Variants in TUBGCP6 observed in about 807,000 individuals in gnomAD.
TUBGCP6 encodes tubulin gamma complex component 6.
TUBGCP6 carries 161 observed loss-of-function variants against 175.8 expected under a neutral mutation model. That is an observed-to-expected ratio of 0.92 (90% CI 0.81 to 1.04). The LOEUF (loss-of-function observed/expected upper bound fraction) is 1.04. TUBGCP6 is among the 50% of genes least tolerant of loss of function. The pLI is 0.00. For synonymous variants in TUBGCP6, 1,173 were observed against 1,030.5 expected, an observed-to-expected ratio of 1.14 and a Z score of -2.65; for missense variants, 2,572 against 2,433.0, an observed-to-expected ratio of 1.06 and a Z score of -1.20.
chr22:50,241,097 T>A (rs1232855209), intron 1 of TUBGCP6, among the ~76,000 whole-genome samples: 1 of 152,258 alleles, frequency 6.6e-6, no homozygotes, highest in Non-Finnish European at 1.5e-5. Flanking sequence ...TATGATTATA[T>A]ATGAACGTTA....
chr22:50,222,320 G>T, intron 14 of TUBGCP6, 134 bp downstream of exon 14: 3 of 1,382,384 alleles, frequency 2.2e-6, no homozygotes, highest in Admixed American at 3.8e-5. Context: ...CACGGGGAGA[G>T]AGAGTGCTCT....
chr22:50,240,131 C>G, intron 2 of TUBGCP6, 73 bp downstream of exon 2: 3 of 1,593,834 alleles, frequency 1.9e-6, no homozygotes, highest in Non-Finnish European at 2.6e-6. Context: ...CAACGCCCCC[C>G]ACACACCCCA....
At chr22:50,229,901 C>T (rs2064667163) in intron 3 of TUBGCP6, among the ~76,000 whole-genome samples, 1 of 152,130 alleles carries the variant, frequency 6.6e-6, no homozygotes, top group Non-Finnish European at 1.5e-5. Flanking sequence ...GCCGTGAGAC[C>T]CGCTCATTTG....
intron 1 of TUBGCP6, among the ~76,000 whole-genome samples, chr22:50,241,019 C>T (rs953603902): frequency 6.6e-6 from 1 of 152,070 alleles, no homozygotes; most frequent in South Asian, 2.1e-4. Flanking sequence ...GGCAAGAGAC[C>T]GAGGGCACGA....
intron 1 of TUBGCP6, 54 bp downstream of exon 1, chr22:50,243,665 G>A: frequency 7.2e-6 from 10 of 1,389,128 alleles, no homozygotes; most frequent in Non-Finnish European, 9.8e-6. Flanking sequence ...AAGGTCACAG[G>A]AAGCATTTTC....
At position 50,218,397 on chromosome 22, in the gene TUBGCP6, G is replaced by A; in HGVS notation, c.4960C>T (p.Leu1654=). 3 of 1,613,032 alleles carry A rather than the reference G, an allele frequency of 1.9e-6. No individual in the cohort carries two copies. The highest frequency in any genetic ancestry group is 2.5e-6 in the Non-Finnish European group (3 of 1,179,940). The change falls in exon 23 of 25, where the codon CTG becomes TTG. Residue 1654 remains leucine (L), a synonymous_variant. Transcript: ENST00000248846. ...TGCACAGAGCCGGCCATGTGGCTCA[G>A]CAGGGCTGGCGGAGGGCAGAAGGCA... The part of the protein sequence containing the change: ...VCFHLKRTAL[L]SHMAGSVQFR...
intron 2 of TUBGCP6, among the ~76,000 whole-genome samples, chr22:50,237,970 A>C (rs1449783536): frequency 6.6e-6 from 1 of 152,080 alleles, no homozygotes; most frequent in Non-Finnish European, 1.5e-5. Context: ...TAAAAACACA[A>C]AATTAGCCAG....
intron 2 of TUBGCP6, among the ~76,000 whole-genome samples, chr22:50,237,982 C>A (rs1440375090): frequency 2.6e-5 from 4 of 152,068 alleles, no homozygotes; most frequent in African/African-American, 9.7e-5. Flanking sequence ...ATTAGCCAGG[C>A]GTGGTGTCCC....
rs556244420 is a variant in TUBGCP6 at position 50,225,576 on chromosome 22, G to A, written c.1983+218C>T. Among the ~76,000 whole-genome samples, 49 of 149,718 alleles carry A rather than the reference G, an allele frequency of 3.3e-4. 1 individual carries two copies. The East Asian group carries it at 8.0e-3, about 24-fold the overall frequency. On this transcript the variant is annotated intron_variant, in intron 10 of 24. Transcript: ENST00000248846. ...CATCTGGCTCCGGACATTCATCTCA[G>A]CTCCCCCTTGGCACCCACCCTTCAT...
chr22:50,219,394 CCACGGGGAAGGCGAAGGCCCGGGGAAG>C lies in TUBGCP6; in HGVS notation c.4351_4377del (p.Leu1451_Val1459del). The C allele has an allele frequency of 1.3e-6, 2 of 1,575,440 alleles. No individual in the cohort carries two copies. Among genetic ancestry groups the C allele is most frequent in the Non-Finnish European group, 1.7e-6 (2 of 1,161,384 alleles). On this transcript the variant is annotated inframe_deletion, in exon 19 of 25. Coordinates refer to ENST00000248846, the MANE Select transcript of TUBGCP6 (RefSeq NM_020461.4). Reference sequence around the variant, plus strand: ...TCAGCGGCAGACTGGACCTGGGGGTCCACGGGGAAGGCGAAGGCCCGGGGAAGCACGGGGCGCAAAAGATGAGCAATG... The same window carrying C: ...TCAGCGGCAGACTGGACCTGGGGGTCCACGGGGCGCAAAAGATGAGCAATG...
At position 50,217,888 on chromosome 22, in the gene TUBGCP6, C is replaced by G. The variant is rs201070582; in HGVS notation, c.5368+30G>C. On this transcript the variant is annotated intron_variant, in intron 24 of 24. Coordinates refer to ENST00000248846, the MANE Select transcript of TUBGCP6 (RefSeq NM_020461.4). The stretch of plus-strand genomic sequence containing the variant: ...AGTGTGAGCCCCGCCCTGGCCCCCC[C>G]GCAGCCCTCCCAGCCAGGGTGGGCC... The G allele has an allele frequency of 1.8e-5, 29 of 1,605,214 alleles. No homozygotes were observed. The East Asian group carries it at 5.1e-4, about 28-fold the overall frequency.
Position 50,222,081 on chromosome 22 carries a change from C to T in TUBGCP6, c.2431G>A (p.Glu811Lys). The change falls in exon 15 of 25, where the codon GAG becomes AAG. Residue 811 changes from glutamate (E) to lysine (K), a missense_variant. By Grantham distance (56) the Glu-to-Lys change is moderately conservative. Coordinates refer to ENST00000248846, the MANE Select transcript of TUBGCP6 (RefSeq NM_020461.4). ...HIQEMLKAVS[E>K]AHQPQEPPDV... ...GGCGGCTCCTGGGGCTGGTGAGCCT[C>T]AGACACTGCTTTCAGCATCTCCTGA... 8 of 1,613,814 alleles carry T rather than the reference C, an allele frequency of 5.0e-6. No homozygotes were observed. The highest frequency in any genetic ancestry group is 5.1e-6 in the Non-Finnish European group (6 of 1,180,000).
chr22:50,224,476 C>G, intron 11 of TUBGCP6, 35 bp downstream of exon 11: 3 of 1,614,156 alleles, frequency 1.9e-6, no homozygotes, highest in South Asian at 1.1e-5. Context: ...CAAGGCCCCC[C>G]GGAACTGCAG....
rs201025628 is a variant in TUBGCP6 at position 50,229,413 on chromosome 22, G to A, written c.1281C>T (p.Leu427=). 38 of 1,613,414 alleles carry A rather than the reference G, an allele frequency of 2.4e-5. No individual in the cohort carries two copies. The highest frequency in any genetic ancestry group is 1.6e-4 in the African/African-American group (12 of 75,046). The change falls in exon 4 of 25, where the codon CTC becomes CTT. Residue 427 remains leucine (L), a synonymous_variant. Transcript: ENST00000248846. ...PVLDSLYSKG[L]VFQAFTSGLR... ...GAGGCAAAGGCCATACCTGGAACAC[G>A]AGGCCCTTGCTGTACAAAGAGTCCA...
At position 50,217,774 on chromosome 22, in the gene TUBGCP6, G is replaced by A. The variant is rs1334246335; in HGVS notation, c.5422C>T (p.Leu1808=). The A allele has an allele frequency of 1.2e-6, 2 of 1,614,058 alleles. No individual in the cohort carries two copies. Among genetic ancestry groups the A allele is most frequent in the South Asian group, 2.2e-5 (2 of 91,076 alleles). The change falls in exon 25 of 25, where the codon CTG becomes TTG. Residue 1808 remains leucine (L), a synonymous_variant. Coordinates refer to ENST00000248846, the MANE Select transcript of TUBGCP6 (RefSeq NM_020461.4). ...GYQPHLEDFL[L]RINFNNYYQD... ...TAGTAGTTGTTGAAGTTGATGCGCA[G>A]CAGAAAGTCCTCCAGGTGGGGCTGG...
intron 3 of TUBGCP6, among the ~76,000 whole-genome samples, chr22:50,231,291 T>C (rs2064686618): frequency 6.7e-6 from 1 of 149,630 alleles, no homozygotes; most frequent in South Asian, 2.1e-4. Flanking sequence ...CCATCTCTAC[T>C]AAAAATACAA....
chr22:50,221,920 C>T (rs1207623617), intron 15 of TUBGCP6, 46 bp from the exon 16 acceptor site: 1 of 1,552,054 alleles, frequency 6.4e-7, no homozygotes, highest in African/African-American at 1.4e-5. Context: ...CAGGACCCCC[C>T]AGCCCTCGAA....
At chr22:50,229,685 TC>T in intron 3 of TUBGCP6, 108 bp from the exon 4 acceptor site, 1 of 1,192,446 alleles carries the variant, frequency 8.4e-7, no homozygotes, top group Non-Finnish European at 1.1e-6. Flanking sequence ...CTAGAGTGCC[TC>T]CAGGACCCAA....
rs756427274 is a variant in TUBGCP6 at position 50,244,009 on chromosome 22, C to T, written c.451G>A (p.Asp151Asn). The change falls in exon 1 of 25, where the codon GAC (aspartate) becomes AAC (asparagine). Residue 151 changes from aspartate (D) to asparagine (N), a missense_variant. By Grantham distance (23) the Asp-to-Asn change is conservative (BLOSUM62 1). Coordinates refer to ENST00000248846, the MANE Select transcript of TUBGCP6 (RefSeq NM_020461.4). Reference sequence around the variant, plus strand: ...TCCATCTCAAACACACTCAGGTCGTCGCAATCATAGCCGCTGTACGGAACG... The same window carrying T: ...TCCATCTCAAACACACTCAGGTCGTTGCAATCATAGCCGCTGTACGGAACG... ...RNVPYSGYDC[D>N]DLSVFEMDVQ... 5 of 1,614,044 alleles carry T rather than the reference C, an allele frequency of 3.1e-6. No homozygotes were observed. The highest frequency in any genetic ancestry group is 4.2e-6 in the Non-Finnish European group (5 of 1,180,064).
Sources: allele counts gnomAD v4.1 joint callset (sites outside exome capture counted in the v4.1 genomes callset), GRCh38; gene constraint gnomAD v4.1.1; transcripts MANE v1.5; gene names NCBI Gene and HGNC (gene_info 2026-07-23, HGNC 2026-07-21).